Variants in TANC1 observed in about 807,000 individuals in gnomAD.
The protein encoded by TANC1 is protein TANC1.
A neutral mutation model predicts 149.7 loss-of-function variants in TANC1; 77 were observed. The ratio of observed to expected loss-of-function variants is 0.51; its 90% CI spans 0.43 to 0.62. The LOEUF (loss-of-function observed/expected upper bound fraction) is 0.62. TANC1 is among the 20% of genes least tolerant of loss of function. The pLI, the probability that TANC1 is intolerant of heterozygous loss-of-function variation, is 0.00. For missense variants in TANC1, 1,985 were observed against 2,321.8 expected (o/e 0.85, Z 2.98); for synonymous variants, 854 against 925.0 (o/e 0.92, Z 1.39).
chr2:158,981,493 ATATATAT>A (rs1559096021), intron 1 of TANC1, among the ~76,000 whole-genome samples: 2,112 of 48,504 alleles, frequency 0.044, 166 homozygotes, highest in Middle Eastern at 0.052. Flanking sequence ...TATAGCTTTT[ATATATAT>A]ATATATATAT....
chr2:159,102,956 G>T lies in TANC1; in HGVS notation c.259+5122G>T, dbSNP rs1191739947. 2.2e-5 allele frequency among the ~76,000 whole-genome samples: 2 copies of T among 90,428 alleles called. 1 individual carries two copies. Among genetic ancestry groups the T allele is most frequent in the Non-Finnish European group, 6.1e-5 (2 of 32,882 alleles). 59.3% of individuals were successfully genotyped at this position (90,428 alleles called of 152,430 possible). ...GATGGTCTCGATCTCCTGATCCCAC[G>T]ATCCGCCCACCTTGGCCTCCCAGAG... On this transcript the variant is annotated intron_variant, in intron 4 of 26. Coordinates refer to ENST00000263635, the MANE Select transcript of TANC1 (RefSeq NM_033394.3).
intron 2 of TANC1, among the ~76,000 whole-genome samples, chr2:159,059,917 T>A (rs2042113012): frequency 6.7e-6 from 1 of 148,398 alleles, no homozygotes; most frequent in East Asian, 2.0e-4. Context: ...TGTGTGTGTG[T>A]GTGTGTGTGT....
At chr2:159,146,228 C>T (rs1012069579) in intron 5 of TANC1, among the ~76,000 whole-genome samples, 1 of 152,162 alleles carries the variant, frequency 6.6e-6, no homozygotes, top group African/African-American at 2.4e-5. Context: ...TGAGAGAGGG[C>T]TCTGTGCATT....
At chr2:159,033,193 G>C (rs558458053) in intron 2 of TANC1, among the ~76,000 whole-genome samples, 2 of 152,290 alleles carry the variant, frequency 1.3e-5, no homozygotes, top group East Asian at 3.9e-4. Context: ...CAGTGGTTTT[G>C]CATCTTGTGT....
intron 2 of TANC1, among the ~76,000 whole-genome samples, chr2:159,062,250 C>G (rs2042287775): frequency 6.6e-6 from 1 of 151,888 alleles, no homozygotes; most frequent in Non-Finnish European, 1.5e-5. Context: ...AACAAACAAA[C>G]AAAAAACAAA....
At chr2:159,158,537 T>G (rs1378376514) in intron 7 of TANC1, among the ~76,000 whole-genome samples, 1 of 152,202 alleles carries the variant, frequency 6.6e-6, no homozygotes, top group African/African-American at 2.4e-5. Flanking sequence ...TAGCCACTGT[T>G]GTGATTTCTT....
chr2:159,021,466 A>G (rs2038827139), intron 2 of TANC1, among the ~76,000 whole-genome samples: 1 of 152,146 alleles, frequency 6.6e-6, no homozygotes, highest in Non-Finnish European at 1.5e-5. Flanking sequence ...GCAAGGTGGC[A>G]TGCACCTGTA....
chr2:159,042,767 A>G (rs2040754599), intron 2 of TANC1, among the ~76,000 whole-genome samples: 1 of 151,954 alleles, frequency 6.6e-6, no homozygotes, highest in African/African-American at 2.4e-5. Context: ...GAGAAAGAGC[A>G]AAGGTGTGAA....
intron 23 of TANC1, 28 bp from the exon 24 acceptor site, chr2:159,225,649 GGCCTCTGAAGT>G (rs1246993446): frequency 2.6e-6 from 4 of 1,544,528 alleles, no homozygotes; most frequent in East Asian, 2.2e-5. Flanking sequence ...CTTTCCGCAG[GGCCTCTGAAGT>G]GCCTCTGAAT....
chr2:158,987,345 G>A (rs1416272697), intron 1 of TANC1, among the ~76,000 whole-genome samples: 7 of 151,920 alleles, frequency 4.6e-5, no homozygotes, highest in Admixed American at 4.6e-4. Context: ...GGGCAACATG[G>A]CAAAACCCCA....
At chr2:159,049,000 A>G (rs1257671173) in intron 2 of TANC1, among the ~76,000 whole-genome samples, 1 of 152,208 alleles carries the variant, frequency 6.6e-6, no homozygotes, top group Non-Finnish European at 1.5e-5. Flanking sequence ...TGAACTGTAA[A>G]TTGAGACCTG....
chr2:159,084,991 A>G (rs1362012089), intron 3 of TANC1, among the ~76,000 whole-genome samples: 2 of 152,176 alleles, frequency 1.3e-5, no homozygotes, highest in Non-Finnish European at 2.9e-5. Context: ...GCAAGGGGGC[A>G]ATGACAGTGT....
intron 19 of TANC1, among the ~76,000 whole-genome samples, chr2:159,215,167 T>G (rs1032535452): frequency 2.3e-4 from 35 of 152,126 alleles, no homozygotes; most frequent in Non-Finnish European, 4.4e-4. Context: ...CATTCTTAGG[T>G]CCACAAGACC....
At chr2:158,971,658 T>C (rs1327367655) in intron 1 of TANC1, among the ~76,000 whole-genome samples, 1 of 152,208 alleles carries the variant, frequency 6.6e-6, no homozygotes, top group East Asian at 1.9e-4. Context: ...TTCTCATTTT[T>C]TTCATCCCTA....
chr2:159,136,039 TGTGTGTGTGTGC>T (rs1188609781), intron 4 of TANC1, among the ~76,000 whole-genome samples, 143 bp from the exon 5 acceptor site: 5 of 54,106 alleles, frequency 9.2e-5, no homozygotes, highest in South Asian at 9.0e-4. Flanking sequence ...TGTGTGTGTG[TGTGTGTGTGTGC>T]GCGCGCGCGC....
chr2:159,162,006 A>T (rs958363235), intron 7 of TANC1, among the ~76,000 whole-genome samples: 2 of 152,358 alleles, frequency 1.3e-5, no homozygotes, highest in Admixed American at 6.5e-5. Context: ...GGGATTTTTT[A>T]AAATAGGCAA....
At chr2:159,146,002 G>A (rs2052039330) in intron 5 of TANC1, among the ~76,000 whole-genome samples, 1 of 152,210 alleles carries the variant, frequency 6.6e-6, no homozygotes, top group African/African-American at 2.4e-5. Flanking sequence ...GCTATTTAGA[G>A]TGGTCTGTTT....
intron 23 of TANC1, 164 bp downstream of exon 23, chr2:159,224,528 A>G: frequency 2.6e-6 from 2 of 769,836 alleles, no homozygotes. Flanking sequence ...CACAATGTGT[A>G]AGTAGCTCAC....
In TANC1 at chr2:159,049,711, A is replaced by G. The variant is rs551931954; in HGVS notation, c.-15-16185A>G. Among the ~76,000 whole-genome samples the G allele has an allele frequency of 1.3e-5, 2 of 152,296 alleles. 1 individual carries two copies. The highest frequency in any genetic ancestry group is 4.8e-5 in the African/African-American group (2 of 41,572). On this transcript the variant is annotated intron_variant, in intron 2 of 26. Coordinates refer to ENST00000263635, the MANE Select transcript of TANC1 (RefSeq NM_033394.3). ...TGTTTGGCTGTTTACCAGACATGGA[A>G]GGGAGGCCATGAGAAAGAGGAGGGG...
Sources: allele counts gnomAD v4.1 joint callset (sites outside exome capture counted in the v4.1 genomes callset), GRCh38; gene constraint gnomAD v4.1.1; transcripts MANE v1.5; gene names NCBI Gene and HGNC (gene_info 2026-07-23, HGNC 2026-07-21).